MED13: variants seen among roughly 807,000 people sequenced by gnomAD.
MED13 encodes the protein mediator of RNA polymerase II transcription subunit 13.
MED13 carries 23 observed loss-of-function variants against 225.2 expected under a neutral mutation model. The observed-to-expected ratio is 0.10, with a 90% CI of 0.07 to 0.14. MED13 has a LOEUF of 0.14. MED13 is among the 10% of genes least tolerant of loss of function. The pLI, the probability that MED13 is intolerant of heterozygous loss-of-function variation, is 1.00. For missense variants in MED13, 2,197 were observed against 2,594.5 expected (o/e 0.85, Z 3.33); for synonymous variants, 942 against 889.2 (o/e 1.06, Z -1.06).
At chr17:61,998,633 G>GCTGT (rs1449583905) in intron 9 of MED13, among the ~76,000 whole-genome samples, 2 of 115,562 alleles carry the variant, frequency 1.7e-5, no homozygotes, top group African/African-American at 7.1e-5. Context: ...ACAAGGTCTT[G>GCTGT]CTGTCACCCA....
chr17:62,062,128 A>C (rs1304548832), intron 2 of MED13, among the ~76,000 whole-genome samples: 1 of 152,188 alleles, frequency 6.6e-6, no homozygotes, highest in Non-Finnish European at 1.5e-5. Context: ...CTCAATTTCA[A>C]ATAAGAACTT....
chr17:62,012,415 C>T (rs897879404), intron 8 of MED13, among the ~76,000 whole-genome samples: 11 of 150,392 alleles, frequency 7.3e-5, no homozygotes, highest in African/African-American at 2.7e-4. Context: ...CCGCAACCTC[C>T]ACCTCCGGGG....
At chr17:61,969,071 T>C (rs999786436) in intron 17 of MED13, among the ~76,000 whole-genome samples, 1 of 152,024 alleles carries the variant, frequency 6.6e-6, no homozygotes, top group Non-Finnish European at 1.5e-5. Flanking sequence ...ATTTTTGGCA[T>C]GGGGCTGGGT....
intron 26 of MED13, 110 bp downstream of exon 26, chr17:61,955,272 C>A: frequency 1.1e-6 from 1 of 945,104 alleles, no homozygotes; most frequent in Non-Finnish European, 1.5e-6. Flanking sequence ...ATCACATCTG[C>A]AAAATCATTT....
At position 62,011,196 on chromosome 17, in the gene MED13, CTTG is replaced by C. The variant is rs759654138; in HGVS notation, c.1318_1320del (p.Gln440del). On this transcript the variant is annotated inframe_deletion, in exon 9 of 30. Coordinates refer to ENST00000397786, the MANE Select transcript of MED13 (RefSeq NM_005121.3). ...TGCTGACCTAAAGATGGTGCCTGTCCTTGTTGTCCAGCATTTCTTGACTTGAGA... is the reference window on the plus strand; with the variant it reads ...TGCTGACCTAAAGATGGTGCCTGTCCTTGTCCAGCATTTCTTGACTTGAGA... The C allele has an allele frequency of 3.1e-6, 5 of 1,612,002 alleles. No homozygotes were observed. The East Asian group carries it at 6.7e-5, about 22-fold the overall frequency.
rs1603406384 is a variant in MED13 at position 62,035,980 on chromosome 17, G to C, written c.471-372C>G. Among the ~76,000 whole-genome samples, 6 of 151,740 alleles carry C rather than the reference G, an allele frequency of 4.0e-5. No homozygotes were observed. In the East Asian group the frequency reaches 1.2e-3, roughly 29 times the overall value. On this transcript the variant is annotated intron_variant, in intron 3 of 29. Coordinates refer to ENST00000397786, the MANE Select transcript of MED13 (RefSeq NM_005121.3). ...TTTTTCTTTTTTAAAGAAAGAGAGA[G>C]GGTCTCAGTATGTTGCCCAGGGTGG...
Position 62,062,578 on chromosome 17 carries a change from AACACACACACACACACACACACCACAC to A in MED13, c.301+462_301+488del, listed in dbSNP as rs1203014563. On this transcript the variant is annotated intron_variant, in intron 2 of 29. Coordinates refer to ENST00000397786, the MANE Select transcript of MED13 (RefSeq NM_005121.3). ...GACAATAACAAAATACATGCCTTAA[AACACACACACACACACACACACCACAC>A]ACACACACACACACACACACACGGA... Among the ~76,000 whole-genome samples, 844 of 134,666 alleles carry A rather than the reference AACACACACACACACACACACACCACAC, an allele frequency of 6.3e-3. 6 individuals are homozygous for A. The highest frequency in any genetic ancestry group is 7.9e-3 in the Non-Finnish European group (496 of 62,448). 88.3% of individuals were successfully genotyped at this position (134,666 alleles called of 152,430 possible). A position where few individuals can be genotyped will look rare whatever the true frequency, so the allele number is the denominator to read the frequency against.
At chr17:62,030,847 G>A (rs1339688080) in intron 6 of MED13, 1 of 152,178 alleles carries the variant, frequency 6.6e-6, no homozygotes, top group East Asian at 1.9e-4. Context: ...GCGTTTTGCT[G>A]AAAATAAGCA....
At position 61,995,201 on chromosome 17, in the gene MED13, T is replaced by C; in HGVS notation, c.2132A>G (p.Asp711Gly). Residue 711 changes from aspartate (D) to glycine (G), a missense_variant, in exon 10 of 30, where the codon GAT (aspartate) becomes GGT (glycine). By Grantham distance (94) the Asp-to-Gly change is moderately conservative. Transcript: ENST00000397786. ...VEGDEEFLFP[D>G]KKDRQNSERE... ...CTCACTATTTTGTCTATCTTTTTTA[T>C]CAGGAAAAAGGAATTCCTCATCTCC... The C allele has an allele frequency of 6.2e-7, 1 of 1,613,800 alleles. No homozygotes were observed. Among genetic ancestry groups the C allele is most frequent in the Non-Finnish European group, 8.5e-7 (1 of 1,179,916 alleles).
intron 9 of MED13, among the ~76,000 whole-genome samples, chr17:61,998,694 A>G (rs2080367382): frequency 6.7e-6 from 1 of 149,164 alleles, no homozygotes; most frequent in Non-Finnish European, 1.5e-5. Flanking sequence ...CCACCTCCAG[A>G]GTTCAAAGTA....
chr17:62,025,052 T>G (rs542619825), intron 8 of MED13, among the ~76,000 whole-genome samples: 2 of 152,318 alleles, frequency 1.3e-5, no homozygotes, highest in South Asian at 4.1e-4. Flanking sequence ...ATATATCCAG[T>G]AATAGGATTG....
chr17:62,017,447 C>A (rs901182121), intron 8 of MED13, among the ~76,000 whole-genome samples: 31 of 152,092 alleles, frequency 2.0e-4, no homozygotes, highest in South Asian at 8.3e-4. Context: ...ATAACAGTAT[C>A]ATTAACTCAT....
chr17:62,051,791 C>T (rs768474961), intron 3 of MED13, among the ~76,000 whole-genome samples: 1 of 152,176 alleles, frequency 6.6e-6, no homozygotes, highest in African/African-American at 2.4e-5. Context: ...TTTTCTCTTC[C>T]CCACATCCCA....
At chr17:62,058,677 A>G (rs1052243690) in intron 2 of MED13, among the ~76,000 whole-genome samples, 1 of 152,168 alleles carries the variant, frequency 6.6e-6, no homozygotes, top group African/African-American at 2.4e-5. Context: ...AAAATCATCT[A>G]TGTTTGGCTT....
intron 20 of MED13, 129 bp from the exon 21 acceptor site, chr17:61,963,100 T>C: frequency 6.0e-6 from 4 of 664,892 alleles, no homozygotes; most frequent in Non-Finnish European, 7.6e-6. Context: ...TCTCTAAAAA[T>C]GAAGGACATT....
chr17:61,989,753 G>A (rs1046523891), intron 11 of MED13, among the ~76,000 whole-genome samples: 7 of 152,252 alleles, frequency 4.6e-5, no homozygotes, highest in African/African-American at 1.4e-4. Flanking sequence ...TTATAGGCAT[G>A]GGCCATGACA....
At chr17:62,003,058 G>A (rs947660246) in intron 9 of MED13, among the ~76,000 whole-genome samples, 1 of 152,104 alleles carries the variant, frequency 6.6e-6, no homozygotes, top group Non-Finnish European at 1.5e-5. Flanking sequence ...ATGTTACCTG[G>A]GGATGGGGCT....
rs760302168 is a variant in MED13 at position 61,966,528 on chromosome 17, C to G, written c.4315G>C (p.Ala1439Pro). ...KLVAEWFSQA[A>P]DGNNEAFSKL... The stretch of plus-strand genomic sequence containing the variant: ...GAAAATGCTTCATTGTTACCGTCAG[C>G]TGCCTGAGAAAACCATTCTGCTACC... Residue 1439 changes from alanine (A) to proline (P), a missense_variant, in exon 19 of 30, where the codon GCT becomes CCT. Around this residue, in one of 12 missense-constraint regions of MED13, gnomAD observed 457 missense variants for 442.2 expected, o/e 1.03. Coordinates refer to ENST00000397786, the MANE Select transcript of MED13 (RefSeq NM_005121.3). 35 of 1,613,814 alleles carry G rather than the reference C, an allele frequency of 2.2e-5. No homozygotes were observed. The highest frequency in any genetic ancestry group is 2.7e-5 in the Non-Finnish European group (32 of 1,179,910).
chr17:62,022,469 C>T (rs1372336725), intron 8 of MED13, among the ~76,000 whole-genome samples: 1 of 151,764 alleles, frequency 6.6e-6, no homozygotes, highest in Non-Finnish European at 1.5e-5. Flanking sequence ...ATATTAATAA[C>T]ATTTTTTTCA....
Sources: gnomAD v4.1 joint callset for allele counts (sites outside exome capture counted in the v4.1 genomes callset) on GRCh38, gnomAD v4.1.1 for gene constraint, gnomAD v4.1.1 regional missense constraint, MANE v1.5 for transcripts, NCBI Gene and HGNC (gene_info 2026-07-23, HGNC 2026-07-21) for gene names.